The following MILR1 variants were observed in gnomAD, a reference collection of about 807,000 sequenced individuals.
The protein encoded by MILR1 is allergin-1.
A neutral mutation model predicts 18.5 loss-of-function variants in MILR1; 31 were observed. The ratio of observed to expected loss-of-function variants is 1.68; its 90% confidence interval spans 1.26 to 2.26. The LOEUF (loss-of-function observed/expected upper bound fraction) is 2.26, where lower values mean the gene tolerates loss of function less well. Ranked by LOEUF, MILR1 falls within the 30% of genes most tolerant of loss-of-function variation. The pLI, the probability that MILR1 is intolerant of heterozygous loss-of-function variation, is 0.00. For missense variants in MILR1, 257 were observed against 157.4 expected (o/e 1.63, Z -3.38); for synonymous variants, 85 against 56.2 (o/e 1.51, Z -2.30).
At chr17:64,455,996 G>A (rs1160402959) in intron 3 of MILR1, among the ~76,000 whole-genome samples, 2 of 152,214 alleles carry the variant, frequency 1.3e-5, no homozygotes, top group East Asian at 1.9e-4. Context: ...AGCTGAGATC[G>A]TGGCACTGCA....
the MILR1 span, among the ~76,000 whole-genome samples, chr17:64,493,641 C>G: frequency 6.6e-6 from 1 of 151,992 alleles, no homozygotes; most frequent in Non-Finnish European, 1.5e-5. Flanking sequence ...CCCGCCACCA[C>G]GCCCGGCTAA....
At chr17:64,482,257 T>C in the MILR1 span, among the ~76,000 whole-genome samples, 2 of 151,582 alleles carry the variant, frequency 1.3e-5, no homozygotes, top group Non-Finnish European at 2.9e-5. Context: ...GCACATACCA[T>C]TATGCTCGGC....
chr17:64,468,823 G>A (rs1037367996), downstream of MILR1, among the ~76,000 whole-genome samples: 2 of 151,884 alleles, frequency 1.3e-5, no homozygotes, highest in African/African-American at 2.4e-5. Flanking sequence ...GGTGGCTCAC[G>A]CCTATAATCC....
intron 2 of MILR1, 64 bp from the exon 3 acceptor site, chr17:64,452,533 G>A (rs2037197668): frequency 7.3e-6 from 3 of 411,688 alleles, no homozygotes; most frequent in Non-Finnish European, 1.3e-5. Context: ...GATTACAGGC[G>A]TGAACCACCT....
At chr17:64,486,396 T>A in the MILR1 span, among the ~76,000 whole-genome samples, 1 of 150,712 alleles carries the variant, frequency 6.6e-6, no homozygotes, top group Non-Finnish European at 1.5e-5. Context: ...AGTCTCGCTC[T>A]GTCACCCAGG....
At chr17:64,479,743 A>C in the MILR1 span, among the ~76,000 whole-genome samples, 15 of 152,334 alleles carry the variant, frequency 9.8e-5, 1 homozygote, top group Admixed American at 8.5e-4. Flanking sequence ...ACAGAGATGG[A>C]TGAGATACAT....
At chr17:64,485,029 C>T in the MILR1 span, 2 of 152,182 alleles carry the variant, frequency 1.3e-5, no homozygotes, top group African/African-American at 4.8e-5. Flanking sequence ...GTAAAATGTC[C>T]TTCAAAGACC....
At chr17:64,491,556 C>T in the MILR1 span, 1 of 1,550,558 alleles carries the variant, frequency 6.4e-7, no homozygotes, top group South Asian at 1.1e-5. Flanking sequence ...GGACAAGAAA[C>T]TTCTGGAGGT....
the MILR1 span, among the ~76,000 whole-genome samples, chr17:64,491,955 A>G: frequency 6.6e-6 from 1 of 152,020 alleles, no homozygotes; most frequent in African/African-American, 2.4e-5. Context: ...AAAAACCAAA[A>G]ACAGACAACA....
At chr17:64,477,210 T>A in the MILR1 span, among the ~76,000 whole-genome samples, 2 of 152,210 alleles carry the variant, frequency 1.3e-5, no homozygotes, top group African/African-American at 4.8e-5. Context: ...AGTAAGATAC[T>A]ATTGCAGCCT....
At chr17:64,475,853 A>G in the MILR1 span, among the ~76,000 whole-genome samples, 2 of 119,876 alleles carry the variant, frequency 1.7e-5, no homozygotes, top group African/African-American at 6.8e-5. Flanking sequence ...TCACTGTGTC[A>G]CCCAGGCTGG....
the MILR1 span, among the ~76,000 whole-genome samples, chr17:64,477,012 G>A: frequency 7.9e-5 from 12 of 152,140 alleles, no homozygotes; most frequent in Admixed American, 3.3e-4. Flanking sequence ...TATAAACATA[G>A]ATATTAGACA....
chr17:64,486,268 T>C, the MILR1 span, among the ~76,000 whole-genome samples: 1 of 152,112 alleles, frequency 6.6e-6, no homozygotes, highest in Non-Finnish European at 1.5e-5. Flanking sequence ...CGAACTCAAC[T>C]GGAGAGGGAC....
the MILR1 span, among the ~76,000 whole-genome samples, chr17:64,493,955 A>G: frequency 1.3e-5 from 2 of 152,174 alleles, no homozygotes; most frequent in Non-Finnish European, 2.9e-5. Flanking sequence ...AATATTTCCT[A>G]TATACCATTA....
intron 5 of MILR1, among the ~76,000 whole-genome samples, chr17:64,464,297 T>C (rs1388291770): frequency 1.3e-5 from 2 of 150,470 alleles, no homozygotes; most frequent in African/African-American, 2.4e-5. Context: ...TTTTTTTTTT[T>C]GTAGGTTTCA....
At chr17:64,464,297 T>G (rs1388291770) in intron 5 of MILR1, among the ~76,000 whole-genome samples, 2 of 150,470 alleles carry the variant, frequency 1.3e-5, no homozygotes, top group Admixed American at 6.6e-5. Flanking sequence ...TTTTTTTTTT[T>G]GTAGGTTTCA....
the MILR1 span, chr17:64,497,061 G>C: frequency 1.5e-6 from 2 of 1,318,246 alleles, no homozygotes; most frequent in African/African-American, 1.4e-5. Context: ...AGGCCACGGC[G>C]CAGGCGCAAC....
At chr17:64,472,030 T>C (rs529695080), downstream of MILR1, among the ~76,000 whole-genome samples, 3 of 152,312 alleles carry the variant, frequency 2.0e-5, no homozygotes, top group Non-Finnish European at 2.9e-5. Flanking sequence ...TAGAAGAATA[T>C]GCAGGGGATT....
At chr17:64,477,848 T>C in the MILR1 span, 4 of 1,607,270 alleles carry the variant, frequency 2.5e-6, no homozygotes, top group Non-Finnish European at 3.4e-6. Flanking sequence ...TGATGATATA[T>C]ACTTAATCAA....
Sources: allele counts gnomAD v4.1 joint callset (sites outside exome capture counted in the v4.1 genomes callset), GRCh38; gene constraint gnomAD v4.1.1; transcripts MANE v1.5; gene names NCBI Gene and HGNC (gene_info 2026-07-23, HGNC 2026-07-21).